MARF1: variants seen among roughly 807,000 people sequenced by gnomAD.
The protein encoded by MARF1 is limkain-b1.
A neutral mutation model predicts 168.2 loss-of-function variants in MARF1; 24 were observed. That is an observed-to-expected ratio of 0.14 (90% CI 0.10 to 0.20). The LOEUF (loss-of-function observed/expected upper bound fraction) is 0.20. Ranked by LOEUF, MARF1 falls within the 10% of genes least tolerant of loss-of-function variation. The pLI is 1.00. For synonymous variants in MARF1, 868 were observed against 822.4 expected (o/e 1.06, Z -0.95); for missense variants, 1,744 against 2,143.6 (o/e 0.81, Z 3.68).
At chr16:15,618,578 G>C (rs1256577312) in intron 13 of MARF1, among the ~76,000 whole-genome samples, 1 of 152,032 alleles carries the variant, frequency 6.6e-6, no homozygotes, top group Non-Finnish European at 1.5e-5. Context: ...CCCCATTCCT[G>C]ATGTGCTCTC....
Position 15,604,275 on chromosome 16 carries a change from C to T in MARF1, c.4306G>A (p.Glu1436Lys). Residue 1436 changes from glutamate (E) to lysine (K), a missense_variant, in exon 22 of 27, where the codon GAG becomes AAG. Glu to Lys is a moderately conservative substitution (Grantham distance 56). This residue lies in a region of MARF1 where 74 missense variants were observed against 66.7 expected (regional missense o/e 1.11). Transcript: ENST00000396368. The part of the protein sequence containing the change: ...WEGTTHLSVE[E>K]LKRHYESTHN... ...GTACTTTCGTAATGTCTCTTGAGCT[C>T]CTCAACAGAAAGATGGGTGGTTCCT... The T allele has an allele frequency of 1.9e-6, 3 of 1,613,934 alleles. No individual in the cohort carries two copies. Among genetic ancestry groups the T allele is most frequent in the Non-Finnish European group, 2.5e-6 (3 of 1,179,832 alleles).
chr16:15,594,878 T>C lies in MARF1; in HGVS notation c.*1815A>G, dbSNP rs1242526967. The C allele has an allele frequency of 1.3e-5, 2 of 152,576 alleles. No homozygotes were observed. The highest frequency in any genetic ancestry group is 1.5e-5 in the Non-Finnish European group (1 of 68,024). 9.5% of individuals were successfully genotyped at this position (152,576 alleles called of 1,614,324 possible). On this transcript the variant is annotated 3_prime_UTR_variant, in exon 27 of 27. Coordinates refer to ENST00000396368, the MANE Select transcript of MARF1 (RefSeq NM_014647.4). ...ACAGAACTTGATTCTTCTTTGTCTGTTGCCCAAAGAACCTGTTCTTTGAGT... is the reference window on the plus strand; with the variant it reads ...ACAGAACTTGATTCTTCTTTGTCTGCTGCCCAAAGAACCTGTTCTTTGAGT...
Position 15,594,584 on chromosome 16 carries a change from A to G in MARF1, c.*2109T>C, listed in dbSNP as rs991897284. ...ACTTTTGTCATTTTTTTAAACAGATAAATTTAATCCGGTATATCTTTCCAC... is the reference window on the plus strand; with the variant it reads ...ACTTTTGTCATTTTTTTAAACAGATGAATTTAATCCGGTATATCTTTCCAC... On this transcript the variant is annotated 3_prime_UTR_variant, in exon 27 of 27. Coordinates refer to ENST00000396368, the MANE Select transcript of MARF1 (RefSeq NM_014647.4). 3 of 152,654 alleles carry G rather than the reference A, an allele frequency of 2.0e-5. No homozygotes were observed. The highest frequency in any genetic ancestry group is 7.2e-5 in the African/African-American group (3 of 41,458). 9.5% of individuals were successfully genotyped at this position (152,654 alleles called of 1,614,324 possible). A position where few individuals can be genotyped will look rare whatever the true frequency, so the allele number is the denominator to read the frequency against.
chr16:15,610,096 A>G (rs1235382899), intron 19 of MARF1, among the ~76,000 whole-genome samples: 1 of 152,186 alleles, frequency 6.6e-6, no homozygotes, highest in African/African-American at 2.4e-5. Flanking sequence ...TATTCCCATG[A>G]AATCACGCTT....
intron 5 of MARF1, among the ~76,000 whole-genome samples, chr16:15,632,423 C>T (rs367923720): frequency 3.3e-5 from 5 of 152,144 alleles, no homozygotes; most frequent in Admixed American, 2.6e-4. Flanking sequence ...TTTTAGTTTC[C>T]GTCCCTACTA....
At chr16:15,624,174 C>T (rs990817475) in intron 10 of MARF1, among the ~76,000 whole-genome samples, 3 of 152,158 alleles carry the variant, frequency 2.0e-5, no homozygotes, top group African/African-American at 7.2e-5. Context: ...CCGCCTCGGC[C>T]TCCCAAAGTG....
chr16:15,642,155 T>A (rs755286626), intron 1 of MARF1, among the ~76,000 whole-genome samples: 8 of 152,142 alleles, frequency 5.3e-5, no homozygotes, highest in Non-Finnish European at 1.0e-4. Flanking sequence ...ATTTAGCAAA[T>A]GTTGTTTCCT....
chr16:15,603,150 C>T (rs1362848570), intron 22 of MARF1, among the ~76,000 whole-genome samples: 1 of 152,160 alleles, frequency 6.6e-6, no homozygotes, highest in Non-Finnish European at 1.5e-5. Context: ...TATATCCTTT[C>T]ATTATTTAAT....
At chr16:15,621,701 T>C (rs377489060) in intron 12 of MARF1, 32 bp downstream of exon 12, 5 of 1,590,390 alleles carry the variant, frequency 3.1e-6, no homozygotes, top group Non-Finnish European at 4.3e-6. Flanking sequence ...CAAATGTTAT[T>C]TCCTGAAATA....
At position 15,609,561 on chromosome 16, in the gene MARF1, G is replaced by A; in HGVS notation, c.3916C>T (p.Leu1306=). Residue 1306 remains leucine, a synonymous_variant, in exon 20 of 27, where the codon CTA becomes TTA. Transcript: ENST00000396368. ...CKLAYYGFTK[L]LELFEAIPDT... is the part of the protein sequence containing the mutation. ...GGTATGGCTTCAAAAAGTTCAAGTA[G>A]TTTGGTAAACCCATAGTACGCAAGT... 6.2e-7 allele frequency: 1 copy of A among 1,614,144 alleles called. No homozygotes were observed. The highest frequency in any genetic ancestry group is 8.5e-7 in the Non-Finnish European group (1 of 1,180,004).
At chr16:15,620,637 C>T (rs141460305) in intron 12 of MARF1, 106 bp from the exon 13 acceptor site, 27 of 669,406 alleles carry the variant, frequency 4.0e-5, no homozygotes, top group African/African-American at 3.4e-4. Context: ...AATAAATTTA[C>T]GGATTTCTGG....
At chr16:15,641,742 C>A (rs78558000) in intron 1 of MARF1, among the ~76,000 whole-genome samples, 2,515 of 152,234 alleles carry the variant, frequency 0.017, 78 homozygotes, top group East Asian at 0.11. Context: ...TTGTAGCGAG[C>A]CTGACACAAG....
At chr16:15,609,995 A>G (rs942618801) in intron 19 of MARF1, among the ~76,000 whole-genome samples, 1 of 152,184 alleles carries the variant, frequency 6.6e-6, no homozygotes. Context: ...ATGTCATCTT[A>G]TAAGCTAGAA....
Position 15,633,609 on chromosome 16 carries a change from T to A in MARF1, c.1233+8A>T, listed in dbSNP as rs752576024. On this transcript the variant is annotated splice_region_variant and intron_variant, in intron 5 of 26. Coordinates refer to ENST00000396368, the MANE Select transcript of MARF1 (RefSeq NM_014647.4). ...GTAGATTAAAATTATTAAATTTTTT[T>A]TTTTTACCTGGCAATTATTCAGCTC... is the stretch of plus-strand genomic sequence containing the variant. 6.4e-7 allele frequency: 1 copy of A among 1,572,398 alleles called. No individual in the cohort carries two copies. Among genetic ancestry groups the A allele is most frequent in the South Asian group, 1.1e-5 (1 of 87,482 alleles).
rs1567541116 is a variant in MARF1 at position 15,608,495 on chromosome 16, C to A, written c.3978G>T (p.Lys1326Asn). The A allele has an allele frequency of 6.2e-7, 1 of 1,613,948 alleles. No individual in the cohort carries two copies. The change falls in exon 21 of 27, where the codon AAG becomes AAT. Residue 1326 changes from lysine to asparagine, a missense_variant. By Grantham distance (94) the Lys-to-Asn change is moderately conservative (BLOSUM62 0). Around this residue, in one of 7 missense-constraint regions of MARF1, gnomAD observed 543 missense variants for 742.1 expected, o/e 0.73. Coordinates refer to ENST00000396368, the MANE Select transcript of MARF1 (RefSeq NM_014647.4). ...TLQVLECGEE[K>N]ILTLTEVERF... The stretch of plus-strand genomic sequence containing the variant: ...GCTCCACCTCTGTCAGAGTAAGGAT[C>A]TTTTCTTCTCCACATTCCAATACCT...
At position 15,636,092 on chromosome 16, in the gene MARF1, G is replaced by T. The variant is rs1194858466; in HGVS notation, c.395C>A (p.Pro132Gln). The change falls in exon 3 of 27, where the codon CCG becomes CAG. Residue 132 changes from proline (P) to glutamine (Q), a missense_variant. By Grantham distance (76) the Pro-to-Gln change is moderately conservative. This residue lies in a region of MARF1 where 318 missense variants were observed against 336.6 expected (regional missense o/e 0.94). Coordinates refer to ENST00000396368, the MANE Select transcript of MARF1 (RefSeq NM_014647.4). ...GSGGTSSLIH[P>Q]GALLDSQSTR... ...GCTTTGCGAGTCTAACAGTGCGCCCGGGTGAATCAAGCTACTGGTACCTCC... is the reference window on the plus strand; with the variant it reads ...GCTTTGCGAGTCTAACAGTGCGCCCTGGTGAATCAAGCTACTGGTACCTCC... The T allele has an allele frequency of 6.2e-7, 1 of 1,614,196 alleles. No homozygotes were observed. The highest frequency in any genetic ancestry group is 8.5e-7 in the Non-Finnish European group (1 of 1,180,036).
At chr16:15,612,311 A>G (rs906345866) in intron 17 of MARF1, among the ~76,000 whole-genome samples, 7 of 152,352 alleles carry the variant, frequency 4.6e-5, no homozygotes, top group South Asian at 2.1e-4. Context: ...AAGAAGGTCT[A>G]TAGAGCTTAG....
Position 15,643,082 on chromosome 16 carries a change from G to T in MARF1, c.-123C>A, listed in dbSNP as rs1228880362. 3.6e-6 allele frequency: 1 copy of T among 276,470 alleles called. No homozygotes were observed. Among genetic ancestry groups the T allele is most frequent in the Non-Finnish European group, 7.0e-6 (1 of 143,264 alleles). 17.1% of individuals were successfully genotyped at this position (276,470 alleles called of 1,614,324 possible). ...GCCGCCTTCCCCCCGCCCCCCCCAG[G>T]CCCTTTGTTTTGATTCCCGACTCCG... is the stretch of plus-strand genomic sequence containing the variant. On this transcript the variant is annotated 5_prime_UTR_variant, in exon 1 of 27. Coordinates refer to ENST00000396368, the MANE Select transcript of MARF1 (RefSeq NM_014647.4).
intron 19 of MARF1, 28 bp downstream of exon 19, chr16:15,610,947 T>C: frequency 6.2e-7 from 1 of 1,607,258 alleles, no homozygotes; most frequent in Non-Finnish European, 8.5e-7. Flanking sequence ...ATAGACAATA[T>C]CCTTCCAGCA....
Sources: allele counts gnomAD v4.1 joint callset (sites outside exome capture counted in the v4.1 genomes callset), GRCh38; gene constraint gnomAD v4.1.1; regional missense constraint gnomAD v4.1.1; transcripts MANE v1.5; gene names NCBI Gene and HGNC (gene_info 2026-07-23, HGNC 2026-07-21).